The following GTF3C4 variants were observed in gnomAD, a reference collection of about 807,000 sequenced individuals.
The protein encoded by GTF3C4 is general transcription factor IIIC subunit 4.
GTF3C4 carries 28 observed loss-of-function variants against 67.5 expected under a neutral mutation model. The ratio of observed to expected loss-of-function variants is 0.41; its 90% CI spans 0.31 to 0.57. The LOEUF (loss-of-function observed/expected upper bound fraction) is 0.57, where lower values mean the gene tolerates loss of function less well. Ranked by LOEUF, GTF3C4 falls within the 20% of genes least tolerant of loss-of-function variation. The pLI is 0.21. For synonymous variants in GTF3C4, 409 were observed against 393.0 expected, an observed-to-expected ratio of 1.04 and a Z score of -0.48; for missense variants, 831 against 1,033.2, an observed-to-expected ratio of 0.80 and a Z score of 2.68.
In GTF3C4 at chr9:132,670,510, A is replaced by T; in HGVS notation, c.-89A>T. ...GCCTGAGGGGAGAAAACCGCCGCGGAGGGCGCTGGGGGTGGCGGCGGCGGT... is the reference window on the plus strand; with the variant it reads ...GCCTGAGGGGAGAAAACCGCCGCGGTGGGCGCTGGGGGTGGCGGCGGCGGT... On this transcript the variant is annotated 5_prime_UTR_variant, in exon 1 of 5. Coordinates refer to ENST00000372146, the MANE Select transcript of GTF3C4 (RefSeq NM_012204.4). 1 of 1,117,540 alleles carries T rather than the reference A, an allele frequency of 8.9e-7. No homozygotes were observed. 69.2% of individuals were successfully genotyped at this position (1,117,540 alleles called of 1,614,324 possible). A position where few individuals can be genotyped will look rare whatever the true frequency, so the allele number is the denominator to read the frequency against.
At chr9:132,682,354 A>G (rs411889) in intron 2 of GTF3C4, among the ~76,000 whole-genome samples, 72,235 of 151,828 alleles carry the variant, frequency 0.48, 17,952 homozygotes, top group African/African-American at 0.61. Context: ...CTAGTAAGAC[A>G]CCCTTTGAAA....
chr9:132,686,577 T>C (rs1836032236), intron 3 of GTF3C4, among the ~76,000 whole-genome samples: 1 of 152,206 alleles, frequency 6.6e-6, no homozygotes, highest in African/African-American at 2.4e-5. Context: ...CCTGTCCTTA[T>C]TTGCCTGGCG....
chr9:132,673,449 A>C (rs1835818914), intron 1 of GTF3C4, among the ~76,000 whole-genome samples: 1 of 151,778 alleles, frequency 6.6e-6, no homozygotes, highest in Non-Finnish European at 1.5e-5. Flanking sequence ...CACATAAACC[A>C]TCAGTCATTT....
chr9:132,678,719 A>G lies in GTF3C4; in HGVS notation c.1100A>G (p.Asp367Gly). ...RQPVILWKEM[D>G]QLPVHSIKCV... ...CCTGTTATCTTGTGGAAAGAAATGG[A>G]CCAGTTACCTGTGCACAGTATCAAA... The change falls in exon 2 of 5, where the codon GAC (aspartate) becomes GGC (glycine). Residue 367 changes from aspartate (D) to glycine (G), a missense_variant. This residue lies in a region of GTF3C4 where 390 missense variants were observed against 540.3 expected (regional missense o/e 0.72). Transcript: ENST00000372146. This position sits in a 1 kb window ranked among gnomAD's most constrained non-coding sequence, Gnocchi z 6.5. 6.2e-7 allele frequency: 1 copy of G among 1,614,160 alleles called. No individual in the cohort carries two copies. The highest frequency in any genetic ancestry group is 8.5e-7 in the Non-Finnish European group (1 of 1,180,004).
chr9:132,687,409 T>A (rs1836048593), intron 4 of GTF3C4, 82 bp downstream of exon 4: 1 of 677,350 alleles, frequency 1.5e-6, no homozygotes, highest in Admixed American at 1.9e-5. Flanking sequence ...ACAGTTCTAG[T>A]CACGCTCTAC....
At chr9:132,675,655 G>A (rs185422230) in intron 1 of GTF3C4, among the ~76,000 whole-genome samples, 20 of 152,084 alleles carry the variant, frequency 1.3e-4, no homozygotes, top group East Asian at 5.8e-4. Context: ...TAGTGTCCTC[G>A]TGTCACTTTT....
Position 132,687,334 on chromosome 9 carries a change from G to A in GTF3C4, c.2404+7G>A. The A allele has an allele frequency of 1.5e-6, 1 of 648,124 alleles. No homozygotes were observed. The highest frequency in any genetic ancestry group is 2.6e-6 in the Non-Finnish European group (1 of 390,226). The allele number at this position is 648,124 out of a possible 1,614,324, so 40.1% of individuals were successfully genotyped here. A position where few individuals can be genotyped will look rare whatever the true frequency, so the allele number is the denominator to read the frequency against. ...CGGCATCCAGCTCCAGAAGGTGAGTGCTTTCCCTTACTTGGGAGGGTGGGT... is the reference window on the plus strand; with the variant it reads ...CGGCATCCAGCTCCAGAAGGTGAGTACTTTCCCTTACTTGGGAGGGTGGGT... On this transcript the variant is annotated splice_region_variant and intron_variant, in intron 4 of 4. Coordinates refer to ENST00000372146, the MANE Select transcript of GTF3C4 (RefSeq NM_012204.4).
At chr9:132,687,355 T>TG in intron 4 of GTF3C4, 28 bp downstream of exon 4, 2 of 49,152 alleles carry the variant, frequency 4.1e-5, no homozygotes, top group South Asian at 1.5e-4. Flanking sequence ...CTTGGGAGGG[T>TG]GGGTGGGTGG....
chr9:132,670,604 C>A lies in GTF3C4; in HGVS notation c.6C>A (p.Asn2Lys), dbSNP rs1022128165. ...ACCTCTGCACCTGAGAGAAGATGAA[C>A]ACGGCCGACCAGGCCCGGGTGGGGC... M[N>K]TADQARVGPA... Residue 2 changes from asparagine to lysine, a missense_variant, in exon 1 of 5, where the codon AAC becomes AAA. This residue lies in a region of GTF3C4 where 237 missense variants were observed against 212.7 expected (regional missense o/e 1.11). Transcript: ENST00000372146. 2 of 1,447,528 alleles carry A rather than the reference C, an allele frequency of 1.4e-6. No individual in the cohort carries two copies. The highest frequency in any genetic ancestry group is 1.8e-6 in the Non-Finnish European group (2 of 1,111,376). The allele number at this position is 1,447,528 out of a possible 1,614,324, so 89.7% of individuals were successfully genotyped here.
intron 4 of GTF3C4, among the ~76,000 whole-genome samples, chr9:132,688,247 G>T (rs1361046287): frequency 6.6e-6 from 1 of 152,212 alleles, no homozygotes; most frequent in African/African-American, 2.4e-5. Context: ...CCTCCTGATG[G>T]ATTATTTTGA....
intron 2 of GTF3C4, 149 bp from the exon 3 acceptor site, chr9:132,683,414 T>A (rs1301479507): frequency 4.7e-6 from 3 of 640,364 alleles, no homozygotes; most frequent in Non-Finnish European, 7.8e-6. Context: ...ATAATCAGGA[T>A]TTGTGGAAAT....
rs144334903 is a variant in GTF3C4, at chr9:132,676,380, G to A, written c.358-1597G>A. Among the ~76,000 whole-genome samples, 98 of 148,374 alleles carry A rather than the reference G, an allele frequency of 6.6e-4. No individual in the cohort carries two copies. The East Asian group carries it at 0.019, about 28-fold the overall frequency. On this transcript the variant is annotated intron_variant, in intron 1 of 4. Coordinates refer to ENST00000372146, the MANE Select transcript of GTF3C4 (RefSeq NM_012204.4). Reference sequence around the variant, plus strand: ...ATCACCCAGGCTGGAGTGCAGTGGCGCAATCTCGGCTCACTTCAACCTCTG... The same window carrying A: ...ATCACCCAGGCTGGAGTGCAGTGGCACAATCTCGGCTCACTTCAACCTCTG...
chr9:132,687,058 G>T (rs1466707151), intron 3 of GTF3C4, among the ~76,000 whole-genome samples, 181 bp from the exon 4 acceptor site: 2 of 152,214 alleles, frequency 1.3e-5, no homozygotes, highest in Non-Finnish European at 2.9e-5. Context: ...TAAGCATGGA[G>T]TATTGGTTTG....
Position 132,688,978 on chromosome 9 carries a change from T to G in GTF3C4, c.*33T>G, listed in dbSNP as rs1011412060. On this transcript the variant is annotated 3_prime_UTR_variant, in exon 5 of 5. Transcript: ENST00000372146. The stretch of plus-strand genomic sequence containing the variant: ...GTGACGGGAAGATGGAAGGGCATGA[T>G]GAACTCTGCCATAGAAAACTTCCTC... 1 of 1,509,590 alleles carries G rather than the reference T, an allele frequency of 6.6e-7. No individual in the cohort carries two copies. Among genetic ancestry groups the G allele is most frequent in the African/African-American group, 1.4e-5 (1 of 72,934 alleles). 93.5% of individuals were successfully genotyped at this position (1,509,590 alleles called of 1,614,324 possible). A position where few individuals can be genotyped will look rare whatever the true frequency, so the allele number is the denominator to read the frequency against.
chr9:132,680,848 C>T (rs1256314208), intron 2 of GTF3C4, among the ~76,000 whole-genome samples: 5 of 152,208 alleles, frequency 3.3e-5, no homozygotes, highest in African/African-American at 1.2e-4. Flanking sequence ...TGGTGGCTCA[C>T]GCCTGTAATC....
rs1381072573 is a variant in GTF3C4 at position 132,694,838 on chromosome 9, A to G, written c.*5893A>G. 6.6e-6 allele frequency: 1 copy of G among 152,234 alleles called. No individual in the cohort carries two copies. Among genetic ancestry groups the G allele is most frequent in the Non-Finnish European group, 1.5e-5 (1 of 68,046 alleles). The allele number at this position is 152,234 out of a possible 1,614,324, so 9.4% of individuals were successfully genotyped here. A position where few individuals can be genotyped will look rare whatever the true frequency, so the allele number is the denominator to read the frequency against. On this transcript the variant is annotated 3_prime_UTR_variant, in exon 5 of 5. Coordinates refer to ENST00000372146, the MANE Select transcript of GTF3C4 (RefSeq NM_012204.4). ...CTGTGAATATGTAGTGCTGTACATA[A>G]TGGCAGTTTTGTAAATGTGAGATAA... is the stretch of plus-strand genomic sequence containing the variant.
intron 1 of GTF3C4, 82 bp from the exon 2 acceptor site, chr9:132,677,895 A>G (rs1304935846): frequency 2.8e-6 from 3 of 1,079,860 alleles, no homozygotes; most frequent in Admixed American, 2.3e-5. Flanking sequence ...GCTATGAATA[A>G]TGACATTCTG....
Position 132,685,014 on chromosome 9 carries a change from A to ATTT in GTF3C4, c.2315+1337_2315+1339dup, listed in dbSNP as rs3041416. On this transcript the variant is annotated intron_variant, in intron 3 of 4. Coordinates refer to ENST00000372146, the MANE Select transcript of GTF3C4 (RefSeq NM_012204.4). ...TACATGGTGGGCACTAAATTTTTTA[A>ATTT]TTTTTTTTTTTTTTTTTTGAGACAG... 7.5e-4 allele frequency among the ~76,000 whole-genome samples: 102 copies of ATTT among 135,418 alleles called. 1 individual carries two copies. The highest frequency in any genetic ancestry group is 1.2e-3 in the African/African-American group (43 of 35,992). The allele number at this position is 135,418 out of a possible 152,430, so 88.8% of individuals were successfully genotyped here.
chr9:132,671,976 C>T (rs956140639), intron 1 of GTF3C4, among the ~76,000 whole-genome samples: 21 of 152,152 alleles, frequency 1.4e-4, no homozygotes, highest in Non-Finnish European at 3.1e-4. Flanking sequence ...GAGTCATTAG[C>T]TATAGGTAGG....
Sources: allele counts gnomAD v4.1 joint callset (sites outside exome capture counted in the v4.1 genomes callset), GRCh38; gene constraint gnomAD v4.1.1; regional missense constraint gnomAD v4.1.1; non-coding constraint Gnocchi (gnomAD v3.1); transcripts MANE v1.5; gene names NCBI Gene and HGNC (gene_info 2026-07-23, HGNC 2026-07-21).